The following IL22RA2 variants were observed in gnomAD, a reference collection of about 807,000 sequenced individuals.
IL22RA2 encodes the protein interleukin-22 receptor subunit alpha-2.
In IL22RA2, 39 loss-of-function variants were observed where a neutral mutation model predicts 30.7. The ratio of observed to expected loss-of-function variants is 1.27; its 90% CI spans 0.98 to 1.66. IL22RA2 has a LOEUF of 1.66. Ranked by LOEUF, IL22RA2 falls within the 40% of genes most tolerant of loss-of-function variation. The probability of loss-of-function intolerance (pLI) is 0.00; values close to 1 mark genes in which losing one functional copy is unlikely to be tolerated. For missense variants in IL22RA2, 315 were observed against 312.7 expected (o/e 1.01, Z -0.05); for synonymous variants, 103 against 105.0 (o/e 0.98, Z 0.11).
chr6:137,166,227 C>T (rs970839130), intron 1 of IL22RA2, among the ~76,000 whole-genome samples: 21 of 152,180 alleles, frequency 1.4e-4, no homozygotes, highest in African/African-American at 4.8e-4. Flanking sequence ...CTCTGCCGGC[C>T]GGAACTTTAG....
rs770953862 is a variant in IL22RA2, at chr6:137,147,737, G to C, written c.627C>G (p.Asn209Lys). 4 of 1,554,266 alleles carry C rather than the reference G, an allele frequency of 2.6e-6. No homozygotes were observed. Among genetic ancestry groups the C allele is most frequent in the South Asian group, 1.2e-5 (1 of 85,608 alleles). The change falls in exon 6 of 7, where the codon AAC (asparagine) becomes AAG (lysine). Residue 209 changes from asparagine to lysine, a missense_variant. By Grantham distance (94) the Asn-to-Lys change is moderately conservative (BLOSUM62 0). Coordinates refer to ENST00000296980, the MANE Select transcript of IL22RA2 (RefSeq NM_052962.3). ...YELLYRVFII[N>K]NSLEKEQKVY... ...CTGAACTTACCTTTTCTAGTGAATT[G>C]TTAATTATAAAAACTCGGTATAGTA...
At chr6:137,163,334 T>C (rs1319313663) in intron 1 of IL22RA2, among the ~76,000 whole-genome samples, 1 of 152,180 alleles carries the variant, frequency 6.6e-6, no homozygotes, top group African/African-American at 2.4e-5. Flanking sequence ...CTGAACCTTT[T>C]TCGGTCTCTC....
chr6:137,149,765 C>T (rs1044780426), intron 5 of IL22RA2, among the ~76,000 whole-genome samples: 2 of 152,310 alleles, frequency 1.3e-5, no homozygotes, highest in South Asian at 4.1e-4. Context: ...CTTGTACCTG[C>T]CTACCTTTCC....
rs1328905627 is a variant in IL22RA2 at position 137,158,446 on chromosome 6, C to T, written c.98G>A (p.Arg33Lys). Reference protein sequence around the residue: ...QSTHESLKPQRVQFQSRNFHN... With the variant: ...QSTHESLKPQKVQFQSRNFHN... ...AAAATTTCGGGACTGAAATTGTACC[C>T]TCTGAGGCTTCAGAGACTCATGCGT... is the stretch of plus-strand genomic sequence containing the variant. The change falls in exon 3 of 7, where the codon AGG (arginine) becomes AAG (lysine). Residue 33 changes from arginine (R) to lysine (K), a missense_variant. Coordinates refer to ENST00000296980, the MANE Select transcript of IL22RA2 (RefSeq NM_052962.3). The T allele has an allele frequency of 1.2e-6, 2 of 1,613,976 alleles. No individual in the cohort carries two copies. Among genetic ancestry groups the T allele is most frequent in the African/African-American group, 1.3e-5 (1 of 74,914 alleles).
intron 1 of IL22RA2, among the ~76,000 whole-genome samples, chr6:137,163,455 G>A (rs28741413): frequency 0.079 from 12,073 of 152,200 alleles, 1,173 homozygotes; most frequent in African/African-American, 0.23. Flanking sequence ...GAAATCTGGG[G>A]TCCTTGGTGC....
Position 137,173,488 on chromosome 6 carries a change from A to T in IL22RA2, c.-141T>A, listed in dbSNP as rs932214806. The T allele has an allele frequency of 1.3e-5, 2 of 152,244 alleles. No homozygotes were observed. Among genetic ancestry groups the T allele is most frequent in the African/African-American group, 4.8e-5 (2 of 41,468 alleles). The allele number at this position is 152,244 out of a possible 1,614,324, so 9.4% of individuals were successfully genotyped here. A position where few individuals can be genotyped will look rare whatever the true frequency, so the allele number is the denominator to read the frequency against. ...TAAGATCTAATAATTATGGGACGCC[A>T]TGTTATGTTTTTCCCATATTTTGTC... On this transcript the variant is annotated 5_prime_UTR_variant, in exon 1 of 7. It removes an upstream start codon present in the reference 5' UTR. Transcript: ENST00000296980.
Position 137,145,773 on chromosome 6 carries a change from C to T in IL22RA2, c.643G>A (p.Glu215Lys), listed in dbSNP as rs1778167521. 1 of 1,613,780 alleles carries T rather than the reference C, an allele frequency of 6.2e-7. No individual in the cohort carries two copies. The part of the protein sequence containing the change: ...VFIINNSLEK[E>K]QKVYEGAHRA... ...TGAGCCCCTTCATAAACCTTTTGCT[C>T]CTACACACGAGAGAGAAAATAATCA... Residue 215 changes from glutamate to lysine, a missense_variant and splice_region_variant, in exon 7 of 7, where the codon GAG (glutamate) becomes AAG (lysine). Physicochemically the swap from Glu to Lys is moderately conservative, Grantham distance 56. Coordinates refer to ENST00000296980, the MANE Select transcript of IL22RA2 (RefSeq NM_052962.3).
At chr6:137,159,740 C>T (rs909346770) in intron 2 of IL22RA2, among the ~76,000 whole-genome samples, 4 of 152,212 alleles carry the variant, frequency 2.6e-5, no homozygotes, top group African/African-American at 9.6e-5. Context: ...GCCTTAGGGC[C>T]TCTGCACTGG....
chr6:137,171,054 T>A (rs1346128199), intron 1 of IL22RA2, among the ~76,000 whole-genome samples: 1 of 152,212 alleles, frequency 6.6e-6, no homozygotes, highest in Admixed American at 6.5e-5. Flanking sequence ...TTTTCTCTTG[T>A]ATAGTCTCTT....
At chr6:137,147,373 T>TAATA (rs10680789) in intron 6 of IL22RA2, among the ~76,000 whole-genome samples, 15,494 of 145,774 alleles carry the variant, frequency 0.11, 851 homozygotes, top group South Asian at 0.14. Context: ...ATAAAATACA[T>TAATA]AATAAATAAA....
At chr6:137,147,186 C>CAAAAA (rs11313927) in intron 6 of IL22RA2, among the ~76,000 whole-genome samples, 5 of 70,864 alleles carry the variant, frequency 7.1e-5, no homozygotes, top group Non-Finnish European at 1.3e-4. Flanking sequence ...CTTGCCTCTA[C>CAAAAA]AAAAAAAAAA....
Position 137,144,838 on chromosome 6 carries a change from T to A in IL22RA2, c.*786A>T, listed in dbSNP as rs1778140939. The A allele has an allele frequency of 6.6e-6, 1 of 152,180 alleles. No individual in the cohort carries two copies. Among genetic ancestry groups the A allele is most frequent in the South Asian group, 2.1e-4 (1 of 4,830 alleles). The allele number at this position is 152,180 out of a possible 1,614,324, so 9.4% of individuals were successfully genotyped here. On this transcript the variant is annotated 3_prime_UTR_variant, in exon 7 of 7. Transcript: ENST00000296980. ...TGTCACTAAAAAAATTACATTTAAT[T>A]TTGAGAATAAAGATAAGTTCTTCTA... is the stretch of plus-strand genomic sequence containing the variant.
chr6:137,152,822 T>C (rs368793616), intron 5 of IL22RA2, among the ~76,000 whole-genome samples: 2 of 152,192 alleles, frequency 1.3e-5, no homozygotes, highest in Non-Finnish European at 2.9e-5. Context: ...AGTTGCATGA[T>C]GGAGGCTATA....
chr6:137,150,618 T>C (rs1457664197), intron 5 of IL22RA2, among the ~76,000 whole-genome samples: 1 of 152,026 alleles, frequency 6.6e-6, no homozygotes, highest in Non-Finnish European at 1.5e-5. Flanking sequence ...TATTCTTACC[T>C]GACTGGCCTA....
chr6:137,171,369 C>A (rs117950376), intron 1 of IL22RA2, among the ~76,000 whole-genome samples: 17 of 152,188 alleles, frequency 1.1e-4, no homozygotes, highest in Non-Finnish European at 2.2e-4. Context: ...TTTCAGAAGC[C>A]GGCTTGCAAA....
Position 137,158,439 on chromosome 6 carries a change from T to C in IL22RA2, c.105A>G (p.Gln35=), listed in dbSNP as rs1778455093. 1 of 1,614,118 alleles carries C rather than the reference T, an allele frequency of 6.2e-7. No homozygotes were observed. The highest frequency in any genetic ancestry group is 8.5e-7 in the Non-Finnish European group (1 of 1,179,992). Residue 35 remains glutamine (Q), a synonymous_variant, in exon 3 of 7, where the codon CAA becomes CAG. Transcript: ENST00000296980. ...TGTTGTGAAAATTTCGGGACTGAAA[T>C]TGTACCCTCTGAGGCTTCAGAGACT... is the stretch of plus-strand genomic sequence containing the variant. The part of the protein sequence containing the change: ...THESLKPQRV[Q]FQSRNFHNIL...
At chr6:137,153,652 AAATGAGGTTCTTATAT>A (rs1778339865) in intron 5 of IL22RA2, among the ~76,000 whole-genome samples, 1 of 152,202 alleles carries the variant, frequency 6.6e-6, no homozygotes, top group Admixed American at 6.5e-5. Flanking sequence ...AACAAAAAGA[AAATGAGGTTCTTATAT>A]TGTCTAGGGT....
chr6:137,173,245 G>A (rs1196411547), intron 1 of IL22RA2, among the ~76,000 whole-genome samples, 168 bp downstream of exon 1: 1 of 152,176 alleles, frequency 6.6e-6, no homozygotes, highest in Non-Finnish European at 1.5e-5. Flanking sequence ...GACGGTGTGT[G>A]CCTGTAATCC....
chr6:137,151,353 G>T (rs1461595007), intron 5 of IL22RA2, among the ~76,000 whole-genome samples: 2 of 152,198 alleles, frequency 1.3e-5, no homozygotes, highest in African/African-American at 4.8e-5. Flanking sequence ...CAGCTGGATA[G>T]TCATATGTCA....
Sources: gnomAD v4.1 joint callset for allele counts (sites outside exome capture counted in the v4.1 genomes callset) on GRCh38, gnomAD v4.1.1 for gene constraint, MANE v1.5 for transcripts, NCBI Gene and HGNC (gene_info 2026-07-23, HGNC 2026-07-21) for gene names.